FOXN3: variants seen among roughly 807,000 people sequenced by gnomAD.
The protein encoded by FOXN3 is forkhead box N3.
Under a neutral mutation model 38.4 loss-of-function variants are expected in FOXN3, and 7 were observed. That is an observed-to-expected ratio of 0.18 (90% CI 0.10 to 0.34). The LOEUF is 0.34. Among genes scored for constraint, FOXN3 ranks in the 10% least tolerant of loss-of-function variants. The pLI is 1.00. For missense variants in FOXN3, 456 were observed against 613.4 expected (o/e 0.74, Z 2.71); for synonymous variants, 230 against 242.2 (o/e 0.95, Z 0.47).
At chr14:89,462,927 A>G (rs1158268917) in intron 1 of FOXN3, among the ~76,000 whole-genome samples, 3 of 149,650 alleles carry the variant, frequency 2.0e-5, no homozygotes, top group Non-Finnish European at 4.4e-5. Context: ...CTCATGATCC[A>G]CCCATCTTGG....
intron 1 of FOXN3, among the ~76,000 whole-genome samples, chr14:89,607,558 TAAAAAAA>T (rs754121458): frequency 9.4e-4 from 115 of 122,074 alleles, no homozygotes; most frequent in African/African-American, 3.2e-3. Context: ...GACCGTGTCT[TAAAAAAA>T]AAAAAAAAAA....
At chr14:89,547,086 G>C (rs1163346887) in intron 1 of FOXN3, among the ~76,000 whole-genome samples, 1 of 152,114 alleles carries the variant, frequency 6.6e-6, no homozygotes, top group East Asian at 1.9e-4. Context: ...CACCAGCCCT[G>C]ACACTAGGTA....
chr14:89,325,308 C>T (rs1335518152), intron 3 of FOXN3, among the ~76,000 whole-genome samples: 16 of 133,018 alleles, frequency 1.2e-4, no homozygotes, highest in Non-Finnish European at 2.0e-4. Flanking sequence ...CCAACACCAC[C>T]ACCACGACCA....
chr14:89,278,597 C>T (rs866993966), intron 4 of FOXN3, among the ~76,000 whole-genome samples: 5 of 152,160 alleles, frequency 3.3e-5, no homozygotes, highest in South Asian at 2.1e-4. Context: ...AAGATTCCCA[C>T]GTCACCCCCA....
chr14:89,288,501 A>T (rs1477782967), intron 3 of FOXN3, among the ~76,000 whole-genome samples: 1 of 151,508 alleles, frequency 6.6e-6, no homozygotes, highest in Admixed American at 6.6e-5. Flanking sequence ...ACTTTATTTC[A>T]GAATAAGTTT....
At chr14:89,324,596 A>T (rs1310771815) in intron 3 of FOXN3, among the ~76,000 whole-genome samples, 1 of 152,104 alleles carries the variant, frequency 6.6e-6, no homozygotes, top group Non-Finnish European at 1.5e-5. Flanking sequence ...GAGATTAAGG[A>T]GGTTTATGAG....
intron 1 of FOXN3, among the ~76,000 whole-genome samples, chr14:89,570,592 G>A (rs987768909): frequency 7.2e-5 from 11 of 152,230 alleles, no homozygotes; most frequent in Middle Eastern, 3.4e-3. Context: ...TCCAACCCAC[G>A]GCCTGCCAAT....
chr14:89,568,909 T>C (rs1296804382), intron 1 of FOXN3, among the ~76,000 whole-genome samples: 2 of 152,118 alleles, frequency 1.3e-5, no homozygotes, highest in African/African-American at 2.4e-5. Flanking sequence ...TGATTATGTT[T>C]AAAAGGCGCC....
chr14:89,584,168 G>A (rs1895799883), intron 1 of FOXN3, among the ~76,000 whole-genome samples: 1 of 151,036 alleles, frequency 6.6e-6, no homozygotes, highest in Admixed American at 6.6e-5. Flanking sequence ...CCTAACACTA[G>A]GTAATTTATA....
At chr14:89,337,802 G>A (rs931575700) in intron 3 of FOXN3, among the ~76,000 whole-genome samples, 97 of 152,134 alleles carry the variant, frequency 6.4e-4, no homozygotes, top group African/African-American at 2.3e-3. Flanking sequence ...GCTAATTTTT[G>A]TATTTTTAGT....
At chr14:89,228,655 T>TA (rs1777177046) in intron 4 of FOXN3, among the ~76,000 whole-genome samples, 1 of 152,116 alleles carries the variant, frequency 6.6e-6, no homozygotes, top group Admixed American at 6.6e-5. Flanking sequence ...ACTATAGGAA[T>TA]AAAAAAAGCT....
rs559541299 is a variant in FOXN3 at position 89,314,841 on chromosome 14, C to A, written c.681-33827G>T. Among the ~76,000 whole-genome samples, 406 of 152,202 alleles carry A rather than the reference C, an allele frequency of 2.7e-3. 1 individual carries two copies. The highest frequency in any genetic ancestry group is 7.5e-3 in the African/African-American group (310 of 41,512). On this transcript the variant is annotated intron_variant, in intron 3 of 5. Coordinates refer to ENST00000557258, the MANE Select transcript of FOXN3 (RefSeq NM_005197.4). Reference sequence around the variant, plus strand: ...TTGATGTTAGCTAACCGAGAACCTTCAAAAATCCCAACAGAGTAAGAGATT... The same window carrying A: ...TTGATGTTAGCTAACCGAGAACCTTAAAAAATCCCAACAGAGTAAGAGATT...
chr14:89,416,769 C>T (rs1178527763), intron 1 of FOXN3, 102 bp downstream of exon 1: 2 of 152,158 alleles, frequency 1.3e-5, no homozygotes, highest in Non-Finnish European at 2.9e-5. Flanking sequence ...CTCGTCTTCC[C>T]AGAGCGGCGA....
rs886427295 is a variant in FOXN3, at chr14:89,354,821, C to T, written c.544-4013G>A. The stretch of plus-strand genomic sequence containing the variant: ...AGTGAGCTGAGATCGTGCCATTGCA[C>T]TCCAGCCTGGGTGACAGAGTGAGAC... On this transcript the variant is annotated intron_variant, in intron 2 of 5. Coordinates refer to ENST00000557258, the MANE Select transcript of FOXN3 (RefSeq NM_005197.4). Among the ~76,000 whole-genome samples the T allele has an allele frequency of 1.8e-4, 27 of 151,920 alleles. 1 individual carries two copies. Among genetic ancestry groups the T allele is most frequent in the African/African-American group, 4.3e-4 (18 of 41,460 alleles).
intron 4 of FOXN3, among the ~76,000 whole-genome samples, chr14:89,184,799 C>T (rs8022632): frequency 0.69 from 105,300 of 152,072 alleles, 37,120 homozygotes; most frequent in Non-Finnish European, 0.76. Flanking sequence ...AGCTCATCAT[C>T]GTCATCGTCA....
At chr14:89,354,257 C>T (rs183924214) in intron 2 of FOXN3, among the ~76,000 whole-genome samples, 125 of 150,850 alleles carry the variant, frequency 8.3e-4, no homozygotes, top group African/African-American at 2.7e-3. Flanking sequence ...GACAGAGTCT[C>T]GCTCTTGTTG....
chr14:89,537,288 T>C (rs752047955), intron 1 of FOXN3, among the ~76,000 whole-genome samples: 2 of 148,100 alleles, frequency 1.4e-5, no homozygotes, highest in African/African-American at 2.5e-5. Context: ...GATGGATGAA[T>C]GGATGGATGG....
intron 1 of FOXN3, among the ~76,000 whole-genome samples, chr14:89,491,342 G>A (rs1280564769): frequency 1.8e-4 from 28 of 152,168 alleles, no homozygotes; most frequent in Admixed American, 1.2e-3. Flanking sequence ...AAGTGAACGC[G>A]GAGGATGGAG....
At chr14:89,327,582 T>G (rs1307970265) in intron 3 of FOXN3, among the ~76,000 whole-genome samples, 6 of 152,186 alleles carry the variant, frequency 3.9e-5, no homozygotes, top group Non-Finnish European at 7.4e-5. Flanking sequence ...ATGAGGCTAT[T>G]TACAGATGGT....
Sources: gnomAD v4.1 joint callset for allele counts (sites outside exome capture counted in the v4.1 genomes callset) on GRCh38, gnomAD v4.1.1 for gene constraint, MANE v1.5 for transcripts, NCBI Gene and HGNC (gene_info 2026-07-23, HGNC 2026-07-21) for gene names.